WDR7: variants seen among roughly 807,000 people sequenced by gnomAD.
The protein encoded by WDR7 is WD repeat domain 7.
WDR7 carries 46 observed loss-of-function variants against 169.4 expected under a neutral mutation model. That is an observed-to-expected ratio of 0.27 (90% CI 0.21 to 0.35). The LOEUF (loss-of-function observed/expected upper bound fraction) is 0.35. WDR7 is among the 10% of genes least tolerant of loss of function. The pLI, the probability that WDR7 is intolerant of heterozygous loss-of-function variation, is 1.00. For missense variants in WDR7, 1,534 were observed against 1,859.3 expected, an observed-to-expected ratio of 0.83 and a Z score of 3.22; for synonymous variants, 612 against 666.8, an observed-to-expected ratio of 0.92 and a Z score of 1.27.
chr18:56,861,659 C>T (rs1371866964), intron 20 of WDR7, among the ~76,000 whole-genome samples: 1 of 151,808 alleles, frequency 6.6e-6, no homozygotes, highest in Non-Finnish European at 1.5e-5. Flanking sequence ...CATTTCTGAA[C>T]AGGATTGTTG....
At chr18:56,818,635 G>A (rs567348374) in intron 20 of WDR7, among the ~76,000 whole-genome samples, 37 of 152,258 alleles carry the variant, frequency 2.4e-4, no homozygotes, top group Middle Eastern at 3.4e-3. Context: ...TGTGTGACTC[G>A]ATTAAGCTAT....
At chr18:56,917,360 A>G (rs1016370275) in intron 21 of WDR7, among the ~76,000 whole-genome samples, 11 of 152,320 alleles carry the variant, frequency 7.2e-5, no homozygotes, top group Non-Finnish European at 1.3e-4. Context: ...GCTGAAAATG[A>G]TACGTGATGC....
intron 25 of WDR7, among the ~76,000 whole-genome samples, chr18:56,959,036 T>C (rs1334958591): frequency 2.0e-5 from 3 of 152,096 alleles, no homozygotes; most frequent in Non-Finnish European, 2.9e-5. Context: ...GATATTGCGT[T>C]AAAAATAATG....
intron 20 of WDR7, among the ~76,000 whole-genome samples, chr18:56,844,294 A>C (rs970546807): frequency 6.6e-6 from 1 of 152,122 alleles, no homozygotes; most frequent in Non-Finnish European, 1.5e-5. Context: ...TATAATAATT[A>C]TTGACCATTA....
intron 20 of WDR7, among the ~76,000 whole-genome samples, chr18:56,844,054 G>T (rs1045291171): frequency 6.6e-6 from 1 of 151,420 alleles, no homozygotes; most frequent in Non-Finnish European, 1.5e-5. Context: ...GTAGAGATGG[G>T]GCTTCACCAT....
At chr18:56,931,125 C>CT (rs201655959) in intron 22 of WDR7, among the ~76,000 whole-genome samples, 1,531 of 148,242 alleles carry the variant, frequency 0.01, 28 homozygotes, top group African/African-American at 0.035. Flanking sequence ...GTCATGTCCT[C>CT]TTTTTTTTTT....
chr18:56,670,232 C>T (rs961255976), intron 1 of WDR7, among the ~76,000 whole-genome samples: 1 of 151,992 alleles, frequency 6.6e-6, no homozygotes, highest in African/African-American at 2.4e-5. Context: ...CGATGTTATC[C>T]TCTATTTCAC....
At chr18:56,850,252 A>AT (rs376903342) in intron 20 of WDR7, among the ~76,000 whole-genome samples, 6 of 151,302 alleles carry the variant, frequency 4.0e-5, no homozygotes, top group Non-Finnish European at 7.4e-5. Context: ...GTCTAAAATT[A>AT]TTTTTTTTAT....
chr18:56,664,606 C>A (rs2024978540), intron 1 of WDR7, among the ~76,000 whole-genome samples: 1 of 150,604 alleles, frequency 6.6e-6, no homozygotes, highest in Non-Finnish European at 1.5e-5. Context: ...TTAATACAGC[C>A]CTTGGCACAT....
At chr18:56,937,404 AT>A (rs532883281) in intron 23 of WDR7, among the ~76,000 whole-genome samples, 136 of 144,274 alleles carry the variant, frequency 9.4e-4, no homozygotes, top group African/African-American at 3.9e-3. Context: ...ATAAAAATAA[AT>A]GAAACAACAC....
intron 12 of WDR7, among the ~76,000 whole-genome samples, chr18:56,702,911 CTGT>C (rs574206396): frequency 6.2e-4 from 94 of 152,198 alleles, no homozygotes; most frequent in African/African-American, 2.2e-3. Flanking sequence ...AGCTGTCTTT[CTGT>C]TGTTAGAATT....
At chr18:56,713,250 A>G (rs1360009542) in intron 12 of WDR7, among the ~76,000 whole-genome samples, 2 of 152,184 alleles carry the variant, frequency 1.3e-5, no homozygotes, top group Non-Finnish European at 1.5e-5. Context: ...TTAATAAGGA[A>G]ACCTTCCTAA....
intron 20 of WDR7, among the ~76,000 whole-genome samples, chr18:56,879,241 C>T (rs940136771): frequency 1.7e-4 from 26 of 151,904 alleles, no homozygotes; most frequent in Admixed American, 5.9e-4. Flanking sequence ...TCATGCCCAA[C>T]AACAAAGCAT....
chr18:56,852,098 T>C (rs2045648709), intron 20 of WDR7, among the ~76,000 whole-genome samples: 1 of 152,182 alleles, frequency 6.6e-6, no homozygotes, highest in South Asian at 2.1e-4. Context: ...GTTCACTTGC[T>C]TTCCTCCTTG....
At chr18:56,986,483 T>C (rs1236429838) in intron 26 of WDR7, among the ~76,000 whole-genome samples, 1 of 152,210 alleles carries the variant, frequency 6.6e-6, no homozygotes. Context: ...CATAGTTTTC[T>C]AAATGTATGC....
At chr18:56,781,821 A>G in intron 19 of WDR7, 165 bp downstream of exon 19, 1 of 821,784 alleles carries the variant, frequency 1.2e-6, no homozygotes, top group Non-Finnish European at 1.6e-6. Context: ...GAATCTCTGT[A>G]GTTTGGAACT....
At chr18:56,853,647 T>C (rs945721022) in intron 20 of WDR7, among the ~76,000 whole-genome samples, 1 of 152,196 alleles carries the variant, frequency 6.6e-6, no homozygotes, top group East Asian at 1.9e-4. Flanking sequence ...TCTTGTTACA[T>C]TCCCTGTCTG....
Position 56,913,466 on chromosome 18 carries a change from C to G in WDR7, c.3527-10456C>G, listed in dbSNP as rs548360625. On this transcript the variant is annotated intron_variant, in intron 21 of 27. Coordinates refer to ENST00000254442, the MANE Select transcript of WDR7 (RefSeq NM_015285.3). ...CTAATCCCTAAATTAATCCTGTCCA[C>G]TCTATCTTTAAAAAAAAATGTTTTT... Among the ~76,000 whole-genome samples, 3 of 152,142 alleles carry G rather than the reference C, an allele frequency of 2.0e-5. No individual in the cohort carries two copies. In the South Asian group the frequency reaches 6.2e-4, roughly 32 times the overall value.
Position 56,745,279 on chromosome 18 carries a change from A to G in WDR7, c.1990-11304A>G, listed in dbSNP as rs139718696. On this transcript the variant is annotated intron_variant, in intron 14 of 27. Coordinates refer to ENST00000254442, the MANE Select transcript of WDR7 (RefSeq NM_015285.3). ...CTTACGATGCACAGAATATCAAGGC[A>G]TCCCTTATGTGACACTGTCCAGTGT... 1.9e-3 allele frequency among the ~76,000 whole-genome samples: 292 copies of G among 152,358 alleles called. 1 individual carries two copies. Among genetic ancestry groups the G allele is most frequent in the African/African-American group, 6.9e-3 (285 of 41,574 alleles).
Sources: allele counts gnomAD v4.1 joint callset (sites outside exome capture counted in the v4.1 genomes callset), GRCh38; gene constraint gnomAD v4.1.1; transcripts MANE v1.5; gene names NCBI Gene and HGNC (gene_info 2026-07-23, HGNC 2026-07-21).